TRAPPC8: variants seen among roughly 807,000 people sequenced by gnomAD.
The protein encoded by TRAPPC8 is general sporulation gene 1 homolog.
In TRAPPC8, 54 loss-of-function variants were observed where a neutral mutation model predicts 174.3. The observed-to-expected ratio is 0.31, with a 90% CI of 0.25 to 0.39. TRAPPC8 has a LOEUF of 0.39. TRAPPC8 is among the 10% of genes least tolerant of loss of function. The pLI is 1.00. For missense variants in TRAPPC8, 1,531 were observed against 1,699.1 expected, an observed-to-expected ratio of 0.90 and a Z score of 1.74; for synonymous variants, 630 against 579.9, an observed-to-expected ratio of 1.09 and a Z score of -1.24.
chr18:31,893,519 G>A (rs565137456), intron 11 of TRAPPC8, among the ~76,000 whole-genome samples: 2 of 152,116 alleles, frequency 1.3e-5, no homozygotes, highest in South Asian at 4.1e-4. Context: ...CCAAACAGCT[G>A]GTTAGATATC....
intron 5 of TRAPPC8, among the ~76,000 whole-genome samples, chr18:31,912,123 G>A (rs1463365279): frequency 1.3e-5 from 2 of 152,062 alleles, no homozygotes; most frequent in South Asian, 2.1e-4. Context: ...GGAAATCAAC[G>A]GAAAGTTGGA....
intron 9 of TRAPPC8, among the ~76,000 whole-genome samples, chr18:31,903,114 G>A (rs1192165378): frequency 3.3e-5 from 3 of 90,080 alleles, no homozygotes; most frequent in African/African-American, 7.6e-5. Flanking sequence ...GCGCGCGTGC[G>A]TGCGTGCGTG....
chr18:31,924,400 GC>G (rs1392499021), intron 2 of TRAPPC8, among the ~76,000 whole-genome samples: 1 of 151,234 alleles, frequency 6.6e-6, no homozygotes, highest in Non-Finnish European at 1.5e-5. Flanking sequence ...GTTGCAGTGA[GC>G]CAAGATCGCG....
intron 1 of TRAPPC8, among the ~76,000 whole-genome samples, chr18:31,932,075 GTACT>G (rs1407663244): frequency 3.9e-5 from 6 of 152,064 alleles, no homozygotes; most frequent in African/African-American, 1.4e-4. Flanking sequence ...GAAACTCTCT[GTACT>G]TTCTGCTCAA....
intron 12 of TRAPPC8, among the ~76,000 whole-genome samples, chr18:31,880,702 G>T (rs1225864504): frequency 1.3e-5 from 2 of 152,004 alleles, no homozygotes; most frequent in African/African-American, 2.4e-5. Context: ...TAGGAAAAGA[G>T]GAAGTGAAAT....
At chr18:31,836,281 T>C (rs1422724974) in intron 27 of TRAPPC8, among the ~76,000 whole-genome samples, 1 of 152,222 alleles carries the variant, frequency 6.6e-6, no homozygotes, top group Non-Finnish European at 1.5e-5. Flanking sequence ...TCCTTGAACC[T>C]GCCTTGTTTT....
At chr18:31,861,128 C>T (rs1245768529) in intron 19 of TRAPPC8, among the ~76,000 whole-genome samples, 1 of 152,100 alleles carries the variant, frequency 6.6e-6, no homozygotes, top group African/African-American at 2.4e-5. Flanking sequence ...CTAAATCCAC[C>T]CCCGCAGAAA....
chr18:31,923,181 T>C (rs1325472646), intron 2 of TRAPPC8, among the ~76,000 whole-genome samples: 2 of 152,042 alleles, frequency 1.3e-5, no homozygotes, highest in Admixed American at 6.6e-5. Context: ...GGATAATGGA[T>C]GATAAAATAG....
intron 22 of TRAPPC8, among the ~76,000 whole-genome samples, chr18:31,853,511 G>A (rs750419630): frequency 1.1e-4 from 17 of 151,948 alleles, no homozygotes; most frequent in Non-Finnish European, 2.2e-4. Flanking sequence ...CAAGTGATCC[G>A]CCCATCTCAG....
chr18:31,910,579 T>C (rs2036862591), intron 5 of TRAPPC8, among the ~76,000 whole-genome samples: 1 of 152,234 alleles, frequency 6.6e-6, no homozygotes, highest in Non-Finnish European at 1.5e-5. Context: ...AGGTCAAGAA[T>C]TTTTTATTGA....
chr18:31,832,861 C>T (rs1253329570), intron 27 of TRAPPC8, among the ~76,000 whole-genome samples: 3 of 152,100 alleles, frequency 2.0e-5, no homozygotes, highest in Non-Finnish European at 2.9e-5. Context: ...CTATTATCTA[C>T]CTTTTACTCT....
rs1443314582 is a variant in TRAPPC8 at position 31,871,139 on chromosome 18, C to T, written c.2063-19G>A. On this transcript the variant is annotated intron_variant, in intron 14 of 28. Transcript: ENST00000283351. Reference sequence around the variant, plus strand: ...TTTTCACCTAAAAAAAATTTGTTAACAACACGTTTATGAAGACTTGCCCTC... The same window carrying T: ...TTTTCACCTAAAAAAAATTTGTTAATAACACGTTTATGAAGACTTGCCCTC... The T allele has an allele frequency of 2.7e-6, 4 of 1,478,690 alleles. No homozygotes were observed. The highest frequency in any genetic ancestry group is 4.2e-5 in the Admixed American group (2 of 47,096). 91.6% of individuals were successfully genotyped at this position (1,478,690 alleles called of 1,614,324 possible).
At chr18:31,903,309 A>T (rs2036526212) in intron 9 of TRAPPC8, among the ~76,000 whole-genome samples, 1 of 152,194 alleles carries the variant, frequency 6.6e-6, no homozygotes, top group Admixed American at 6.5e-5. Flanking sequence ...TACGACAGTA[A>T]TATAAGTAAT....
At chr18:31,912,660 CA>C (rs199675531) in intron 5 of TRAPPC8, among the ~76,000 whole-genome samples, 1 of 147,724 alleles carries the variant, frequency 6.8e-6, no homozygotes. Context: ...CACTCTGTTT[CA>C]AAAAAAAAGA....
Position 31,942,835 on chromosome 18 carries a change from G to T in TRAPPC8, c.-71C>A. The T allele has an allele frequency of 7.9e-7, 1 of 1,265,386 alleles. No homozygotes were observed. Among genetic ancestry groups the T allele is most frequent in the Non-Finnish European group, 1.0e-6 (1 of 1,003,106 alleles). The allele number at this position is 1,265,386 out of a possible 1,614,324, so 78.4% of individuals were successfully genotyped here. On this transcript the variant is annotated 5_prime_UTR_variant, in exon 1 of 29. The change creates a new upstream start codon in the 5' untranslated region. Coordinates refer to ENST00000283351, the MANE Select transcript of TRAPPC8 (RefSeq NM_014939.5). ...GCGAGGTTATCCTGCGGCTGCAGCA[G>T]CTACCGCCGCCGCCCGCCGGCCTGG... is the stretch of plus-strand genomic sequence containing the variant.
At chr18:31,831,589 TAA>T (rs1422109886) in intron 28 of TRAPPC8, among the ~76,000 whole-genome samples, 5 of 152,152 alleles carry the variant, frequency 3.3e-5, no homozygotes, top group East Asian at 3.8e-4. Context: ...TAGCCATATA[TAA>T]GTGTCTGTAC....
intron 14 of TRAPPC8, among the ~76,000 whole-genome samples, chr18:31,872,474 G>A (rs543395806): frequency 3.3e-5 from 5 of 151,988 alleles, no homozygotes; most frequent in Non-Finnish European, 5.9e-5. Context: ...TTGCTGGAGC[G>A]CAGTGGCGAG....
At chr18:31,852,366 T>C (rs2033755207) in intron 24 of TRAPPC8, 80 bp downstream of exon 24, 1 of 1,526,332 alleles carries the variant, frequency 6.6e-7, no homozygotes. Flanking sequence ...TGGGAATTAC[T>C]GCGATAAGCC....
At chr18:31,915,819 G>A (rs1341170458) in intron 4 of TRAPPC8, among the ~76,000 whole-genome samples, 11 of 151,136 alleles carry the variant, frequency 7.3e-5, no homozygotes, top group African/African-American at 2.4e-4. Context: ...CCCAGGAAGC[G>A]GAGCTTGCAG....
Sources: gnomAD v4.1 joint callset for allele counts (sites outside exome capture counted in the v4.1 genomes callset) on GRCh38, gnomAD v4.1.1 for gene constraint, MANE v1.5 for transcripts, NCBI Gene and HGNC (gene_info 2026-07-23, HGNC 2026-07-21) for gene names.